The following GPC5 variants were observed in gnomAD, a reference collection of about 807,000 sequenced individuals.
The protein encoded by GPC5 is glypican-5.
Under a neutral mutation model 53.9 loss-of-function variants are expected in GPC5, and 47 were observed. The observed-to-expected ratio is 0.87, with a 90% CI of 0.69 to 1.11. The LOEUF (loss-of-function observed/expected upper bound fraction) is 1.11, where lower values mean the gene tolerates loss of function less well. Among genes scored for constraint, GPC5 ranks in the 50% most tolerant of loss-of-function variants. The pLI is 0.00. For missense variants in GPC5, 748 were observed against 713.1 expected, an observed-to-expected ratio of 1.05 and a Z score of -0.56; for synonymous variants, 286 against 263.3, an observed-to-expected ratio of 1.09 and a Z score of -0.84.
chr13:92,078,288 A>G (rs776356029), intron 6 of GPC5, among the ~76,000 whole-genome samples: 100 of 152,302 alleles, frequency 6.6e-4, no homozygotes, highest in Middle Eastern at 6.8e-3. Flanking sequence ...GCAGTAAAAC[A>G]CCTTTATTCT....
chr13:92,081,542 T>A (rs2041295643), intron 6 of GPC5, among the ~76,000 whole-genome samples: 1 of 152,214 alleles, frequency 6.6e-6, no homozygotes, highest in South Asian at 2.1e-4. Context: ...TGAATTTGAT[T>A]GTACTCTGAG....
At position 92,595,636 on chromosome 13, in the gene GPC5, C is replaced by T. The variant is rs552037143; in HGVS notation, c.1562-270646C>T. 4.6e-4 allele frequency among the ~76,000 whole-genome samples: 69 copies of T among 151,184 alleles called. 1 individual carries two copies. In the East Asian group the frequency reaches 0.012, roughly 25 times the overall value. On this transcript the variant is annotated intron_variant, in intron 7 of 7. Coordinates refer to ENST00000377067, the MANE Select transcript of GPC5 (RefSeq NM_004466.6). The stretch of plus-strand genomic sequence containing the variant: ...ACAAAAAATTAGCCGGGCGTGGTGG[C>T]GGGCACCTGTAATCCCAGCTACTTG...
intron 7 of GPC5, among the ~76,000 whole-genome samples, chr13:92,339,130 G>A (rs1255068579): frequency 1.3e-5 from 2 of 151,460 alleles, no homozygotes; most frequent in African/African-American, 4.8e-5. Context: ...GGTCATAGAG[G>A]TGAATCCAGA....
chr13:91,860,280 C>G (rs1370681114), intron 5 of GPC5, among the ~76,000 whole-genome samples: 2 of 152,162 alleles, frequency 1.3e-5, no homozygotes, highest in East Asian at 3.9e-4. Flanking sequence ...TCTATAAGAT[C>G]AAAATATTTT....
intron 7 of GPC5, among the ~76,000 whole-genome samples, chr13:92,480,925 G>A (rs991479332): frequency 6.6e-5 from 10 of 152,108 alleles, no homozygotes; most frequent in Non-Finnish European, 1.2e-4. Context: ...CTCACCTAGC[G>A]ATTGCTGGTT....
intron 7 of GPC5, among the ~76,000 whole-genome samples, chr13:92,398,394 A>G (rs1354157486): frequency 1.5e-5 from 2 of 134,730 alleles, no homozygotes; most frequent in Non-Finnish European, 3.1e-5. Context: ...CCGCCACTGC[A>G]CTCCAGCCTG....
chr13:91,630,262 C>T (rs775554920), intron 2 of GPC5, among the ~76,000 whole-genome samples: 19 of 152,080 alleles, frequency 1.2e-4, no homozygotes, highest in Non-Finnish European at 2.2e-4. Context: ...CAGTAAAGGG[C>T]AGCCTCTGAA....
At chr13:91,812,750 C>G (rs370166375) in intron 5 of GPC5, among the ~76,000 whole-genome samples, 17 of 152,172 alleles carry the variant, frequency 1.1e-4, no homozygotes, top group Non-Finnish European at 2.4e-4. Context: ...AAGAAGGTAG[C>G]TTTCTCAATT....
At chr13:92,502,585 T>C (rs1464746585) in intron 7 of GPC5, among the ~76,000 whole-genome samples, 1 of 151,998 alleles carries the variant, frequency 6.6e-6, no homozygotes, top group Non-Finnish European at 1.5e-5. Context: ...GCTGTGTTAA[T>C]TAGATGAAGT....
At chr13:92,328,834 GT>G (rs1428793977) in intron 7 of GPC5, among the ~76,000 whole-genome samples, 1 of 152,080 alleles carries the variant, frequency 6.6e-6, no homozygotes, top group African/African-American at 2.4e-5. Flanking sequence ...GGGGCTAGTT[GT>G]TTTCACTGTT....
chr13:91,669,231 G>A (rs1477164185), intron 2 of GPC5, among the ~76,000 whole-genome samples: 1 of 152,218 alleles, frequency 6.6e-6, no homozygotes, highest in Non-Finnish European at 1.5e-5. Flanking sequence ...ATGGTATAGA[G>A]TATGTGCATT....
intron 7 of GPC5, among the ~76,000 whole-genome samples, chr13:92,613,702 A>T (rs1192549738): frequency 7.2e-6 from 1 of 138,850 alleles, no homozygotes; most frequent in Admixed American, 8.0e-5. Context: ...TATATTATAT[A>T]TATATAAAAT....
chr13:91,803,183 A>G (rs534017323), intron 5 of GPC5, among the ~76,000 whole-genome samples: 116 of 152,264 alleles, frequency 7.6e-4, no homozygotes, highest in African/African-American at 2.7e-3. Context: ...GTGAGAAATC[A>G]TTTTAGTACT....
intron 4 of GPC5, among the ~76,000 whole-genome samples, chr13:91,751,192 C>T (rs1214528732): frequency 6.6e-6 from 1 of 152,178 alleles, no homozygotes; most frequent in Non-Finnish European, 1.5e-5. Flanking sequence ...TCTTTACAAA[C>T]CAAAACCCAT....
chr13:91,451,784 A>G (rs758493838), intron 2 of GPC5, among the ~76,000 whole-genome samples: 19 of 151,436 alleles, frequency 1.3e-4, no homozygotes, highest in Non-Finnish European at 1.0e-4. Flanking sequence ...TGCCCAGCTA[A>G]TTTTTGTATT....
intron 7 of GPC5, among the ~76,000 whole-genome samples, chr13:92,627,068 T>C (rs1224227672): frequency 1.3e-5 from 2 of 152,198 alleles, no homozygotes; most frequent in African/African-American, 4.8e-5. Context: ...CATCTTCCTC[T>C]CAATCTCAGT....
rs114133411 is a variant in GPC5, at chr13:91,588,995, G to A, written c.326-104192G>A. 6.2e-3 allele frequency among the ~76,000 whole-genome samples: 938 copies of A among 152,192 alleles called. 8 individuals carry two copies. Among genetic ancestry groups the A allele is most frequent in the African/African-American group, 0.022 (905 of 41,530 alleles). ...AATCCAAACTTATTACAAAAAATTA[G>A]GGGTGGAAAATTTTCTCCCATTATC... On this transcript the variant is annotated intron_variant, in intron 2 of 7. Transcript: ENST00000377067.
intron 2 of GPC5, among the ~76,000 whole-genome samples, chr13:91,499,743 C>A (rs2139290032): frequency 6.6e-6 from 1 of 152,324 alleles, no homozygotes; most frequent in Middle Eastern, 3.4e-3. Context: ...ACAGCCTGAT[C>A]AGGCGCAGCC....
At chr13:92,419,580 A>G (rs192855076) in intron 7 of GPC5, among the ~76,000 whole-genome samples, 2 of 152,320 alleles carry the variant, frequency 1.3e-5, no homozygotes, top group East Asian at 3.9e-4. Flanking sequence ...GACATTTCAT[A>G]TTATATACAT....
Sources: allele counts gnomAD v4.1 joint callset (sites outside exome capture counted in the v4.1 genomes callset), GRCh38; gene constraint gnomAD v4.1.1; transcripts MANE v1.5; gene names NCBI Gene and HGNC (gene_info 2026-07-23, HGNC 2026-07-21).